AK8: variants seen among roughly 807,000 people sequenced by gnomAD.
AK8 encodes the protein ATP-AMP transphosphorylase 8.
Under a neutral mutation model 54.6 loss-of-function variants are expected in AK8, and 44 were observed. The ratio of observed to expected loss-of-function variants is 0.81; its 90% CI spans 0.63 to 1.04. AK8 has a LOEUF of 1.04. Ranked by LOEUF, AK8 falls within the 50% of genes least tolerant of loss-of-function variation. The probability of loss-of-function intolerance (pLI) is 0.00; values close to 1 mark genes in which losing one functional copy is unlikely to be tolerated. For synonymous variants in AK8, 239 were observed against 245.6 expected (o/e 0.97, Z 0.25); for missense variants, 555 against 613.6 (o/e 0.90, Z 1.01).
chr9:132,764,786 C>A (rs1157518387), intron 11 of AK8, among the ~76,000 whole-genome samples: 2 of 152,166 alleles, frequency 1.3e-5, no homozygotes, highest in African/African-American at 2.4e-5. Context: ...TCCTTTTGCA[C>A]CAACCTAATA....
rs79073777 is a variant in AK8, at chr9:132,758,748, C to T, written c.1122-31214G>A. On this transcript the variant is annotated intron_variant, in intron 11 of 12. Transcript: ENST00000298545. ...TGTGGGGATTACAGGCATGAGCCAC[C>T]GCATTTTCCATTTTCTAATGAGGTT... Among the ~76,000 whole-genome samples the T allele has an allele frequency of 6.1e-3, 932 of 152,070 alleles. 8 individuals are homozygous for T. Among genetic ancestry groups the T allele is most frequent in the African/African-American group, 0.021 (885 of 41,468 alleles).
Position 132,843,921 on chromosome 9 carries a change from G to T in AK8, c.402+10936C>A, listed in dbSNP as rs556974214. Among the ~76,000 whole-genome samples the T allele has an allele frequency of 3.3e-5, 5 of 152,286 alleles. No individual in the cohort carries two copies. In the East Asian group the frequency reaches 9.6e-4, roughly 29 times the overall value. On this transcript the variant is annotated intron_variant, in intron 5 of 12. Coordinates refer to ENST00000298545, the MANE Select transcript of AK8 (RefSeq NM_152572.3). ...CTTCCAGCAGCAATGTGAAGAAAGA[G>T]TTGGGAAGAAACCAGGGTAGCTGTG...
intron 2 of AK8, among the ~76,000 whole-genome samples, chr9:132,871,693 T>C (rs1843842868): frequency 6.6e-6 from 1 of 152,074 alleles, no homozygotes. Context: ...GCAGGTGCAG[T>C]GCAGAGAAAG....
intron 11 of AK8, among the ~76,000 whole-genome samples, chr9:132,735,143 G>A (rs774670561): frequency 6.6e-6 from 1 of 152,172 alleles, no homozygotes; most frequent in Non-Finnish European, 1.5e-5. Context: ...GAGCTGAGGG[G>A]TTCATACTCT....
intron 4 of AK8, among the ~76,000 whole-genome samples, chr9:132,857,649 C>T (rs927528428): frequency 6.6e-6 from 1 of 152,196 alleles, no homozygotes; most frequent in Non-Finnish European, 1.5e-5. Context: ...TCCCTGACAA[C>T]ACCCATTCAG....
intron 5 of AK8, among the ~76,000 whole-genome samples, chr9:132,853,341 G>C (rs1054025763): frequency 8.4e-6 from 1 of 119,724 alleles, no homozygotes; most frequent in Non-Finnish European, 1.6e-5. Flanking sequence ...CTGGGCGACA[G>C]AATGAGACTC....
At chr9:132,808,891 C>A (rs1840853350) in intron 10 of AK8, among the ~76,000 whole-genome samples, 1 of 152,158 alleles carries the variant, frequency 6.6e-6, no homozygotes, top group Non-Finnish European at 1.5e-5. Flanking sequence ...CCCACCAGGG[C>A]AATGAGGGGG....
intron 10 of AK8, among the ~76,000 whole-genome samples, chr9:132,800,958 T>A (rs889667157): frequency 4.9e-5 from 7 of 144,136 alleles, no homozygotes; most frequent in Admixed American, 7.5e-5. Flanking sequence ...GTAGTCTCGC[T>A]CTGTCGCCCA....
In AK8 at chr9:132,727,443, A is replaced by C. The variant is rs546096976; in HGVS notation, c.1202+11T>G. ...CCCCAGACTGCCAACCACCAGGAAC[A>C]CAGCACAAACCTTTCCCCAGTGACT... On this transcript the variant is annotated intron_variant, in intron 12 of 12. Transcript: ENST00000298545. 3.1e-6 allele frequency: 5 copies of C among 1,614,002 alleles called. No individual in the cohort carries two copies. The highest frequency in any genetic ancestry group is 3.3e-4 in the Middle Eastern group (2 of 6,062).
intron 1 of AK8, among the ~76,000 whole-genome samples, chr9:132,877,343 G>A (rs1844164515): frequency 6.6e-6 from 1 of 152,216 alleles, no homozygotes; most frequent in Non-Finnish European, 1.5e-5. Context: ...CTAGTGTGCA[G>A]GGCAGAACCT....
chr9:132,804,133 AT>A (rs938150648), intron 10 of AK8, among the ~76,000 whole-genome samples: 4 of 150,924 alleles, frequency 2.7e-5, no homozygotes, highest in African/African-American at 9.8e-5. Flanking sequence ...AAAAAGACTA[AT>A]TCTCTGAAGC....
rs546773027 is a variant in AK8 at position 132,805,004 on chromosome 9, G to C, written c.979+9634C>G. Among the ~76,000 whole-genome samples, 10 of 152,302 alleles carry C rather than the reference G, an allele frequency of 6.6e-5. 1 individual carries two copies. In the South Asian group the frequency reaches 1.9e-3, roughly 28 times the overall value. On this transcript the variant is annotated intron_variant, in intron 10 of 12. Transcript: ENST00000298545. ...GAGGCTTCAAGCTGCACCTGCCGTT[G>C]GGGGGTCTGTGAGGGGCAGGAGCAC...
chr9:132,772,992 G>T (rs1430544324), intron 11 of AK8, among the ~76,000 whole-genome samples: 1 of 152,108 alleles, frequency 6.6e-6, no homozygotes, highest in Non-Finnish European at 1.5e-5. Context: ...CACCCACTAG[G>T]TATCTTTTTA....
Position 132,819,718 on chromosome 9 carries a change from ATTTT to A in AK8, c.889+3483_889+3486del, listed in dbSNP as rs1178123762. On this transcript the variant is annotated intron_variant, in intron 9 of 12. Transcript: ENST00000298545. ...CTATAACCAACAATGCAGAATACCT[ATTTT>A]TTTAAGTACACTTGGAATTCACCAG... Among the ~76,000 whole-genome samples, 218 of 152,248 alleles carry A rather than the reference ATTTT, an allele frequency of 1.4e-3. 1 individual carries two copies. The highest frequency in any genetic ancestry group is 2.5e-3 in the South Asian group (12 of 4,818).
At chr9:132,862,706 CCTCA>C (rs1321838497) in intron 4 of AK8, among the ~76,000 whole-genome samples, 1 of 152,186 alleles carries the variant, frequency 6.6e-6, no homozygotes, top group African/African-American at 2.4e-5. Context: ...AGCTCTGTGG[CCTCA>C]CTGAGCCCTC....
intron 10 of AK8, among the ~76,000 whole-genome samples, chr9:132,804,722 C>T (rs932767987): frequency 7.2e-5 from 11 of 152,168 alleles, no homozygotes; most frequent in African/African-American, 1.7e-4. Flanking sequence ...AGGGCGTGGT[C>T]CCCGCTTCCC....
chr9:132,858,250 C>T (rs530013349), intron 4 of AK8, among the ~76,000 whole-genome samples: 1 of 152,378 alleles, frequency 6.6e-6, no homozygotes, highest in African/African-American at 2.4e-5. Flanking sequence ...GGTTTCCCGG[C>T]CTGGGGGCAG....
intron 5 of AK8, among the ~76,000 whole-genome samples, chr9:132,832,420 G>A (rs577965786): frequency 5.9e-5 from 9 of 152,172 alleles, no homozygotes; most frequent in Non-Finnish European, 1.0e-4. Context: ...ACCAGGAGAC[G>A]CAGCGTCTGA....
intron 10 of AK8, among the ~76,000 whole-genome samples, chr9:132,811,617 G>T (rs1223185827): frequency 1.3e-5 from 2 of 152,234 alleles, no homozygotes; most frequent in African/African-American, 2.4e-5. Context: ...CATTTGTTAT[G>T]AAGTAACAGA....
Sources: allele counts gnomAD v4.1 joint callset (sites outside exome capture counted in the v4.1 genomes callset), GRCh38; gene constraint gnomAD v4.1.1; transcripts MANE v1.5; gene names NCBI Gene and HGNC (gene_info 2026-07-23, HGNC 2026-07-21).